The following ANLN variants were observed in gnomAD, a reference collection of about 807,000 sequenced individuals.
ANLN encodes anillin, actin binding protein.
A neutral mutation model predicts 135.1 loss-of-function variants in ANLN; 59 were observed. The observed-to-expected ratio is 0.44, with a 90% CI of 0.35 to 0.54. The LOEUF (loss-of-function observed/expected upper bound fraction) is 0.54, where lower values mean the gene tolerates loss of function less well. Ranked by LOEUF, ANLN falls within the 20% of genes least tolerant of loss-of-function variation. The probability of loss-of-function intolerance (pLI) is 0.00; values close to 1 mark genes in which losing one functional copy is unlikely to be tolerated. For synonymous variants in ANLN, 406 were observed against 456.4 expected (o/e 0.89, Z 1.41); for missense variants, 1,182 against 1,340.0 (o/e 0.88, Z 1.84).
chr7:36,430,439 A>G (rs1254165632), intron 20 of ANLN, among the ~76,000 whole-genome samples: 1 of 152,180 alleles, frequency 6.6e-6, no homozygotes, highest in East Asian at 1.9e-4. Context: ...TAAATTACAA[A>G]TCTTAGTGAG....
intron 3 of ANLN, among the ~76,000 whole-genome samples, chr7:36,401,636 G>A (rs530720499): frequency 8.3e-6 from 1 of 120,926 alleles, no homozygotes; most frequent in African/African-American, 3.5e-5. Flanking sequence ...ACCTCGGCAG[G>A]CCACCTGATG....
intron 22 of ANLN, among the ~76,000 whole-genome samples, chr7:36,445,546 G>A (rs79514504): frequency 6.6e-6 from 1 of 152,084 alleles, no homozygotes; most frequent in Non-Finnish European, 1.5e-5. Flanking sequence ...GTATACTTTT[G>A]TAAGAGCACA....
chr7:36,437,784 T>A (rs190602658), intron 20 of ANLN, among the ~76,000 whole-genome samples: 408 of 151,914 alleles, frequency 2.7e-3, no homozygotes, highest in African/African-American at 6.8e-3. Context: ...ATTTTAAAAA[T>A]TTTTTTTTGA....
At chr7:36,445,293 G>C (rs1054125168) in intron 22 of ANLN, among the ~76,000 whole-genome samples, 1 of 143,228 alleles carries the variant, frequency 7.0e-6, no homozygotes, top group African/African-American at 2.6e-5. Context: ...GCATCATGTT[G>C]ACTCTCAAAA....
intron 1 of ANLN, among the ~76,000 whole-genome samples, chr7:36,391,238 T>G (rs564067258): frequency 1.1e-4 from 17 of 152,348 alleles, no homozygotes; most frequent in African/African-American, 4.1e-4. Context: ...GGGCTGGTCA[T>G]GCACCAAGTA....
intron 9 of ANLN, among the ~76,000 whole-genome samples, chr7:36,417,556 C>G (rs1184640000): frequency 6.6e-6 from 1 of 152,084 alleles, no homozygotes; most frequent in East Asian, 1.9e-4. Flanking sequence ...CAATTCAATT[C>G]TGACACTAGC....
chr7:36,391,924 C>T (rs907290185), intron 1 of ANLN, among the ~76,000 whole-genome samples: 9 of 150,662 alleles, frequency 6.0e-5, no homozygotes, highest in Admixed American at 1.3e-4. Flanking sequence ...TCCCTGTGGT[C>T]GCTGATACTG....
intron 9 of ANLN, among the ~76,000 whole-genome samples, chr7:36,418,224 G>T (rs1787727192): frequency 1.3e-5 from 2 of 152,224 alleles, no homozygotes; most frequent in African/African-American, 4.8e-5. Context: ...TTGGGTTTCA[G>T]TGGAAGCTTC....
At chr7:36,421,650 A>C (rs1366287813) in intron 12 of ANLN, among the ~76,000 whole-genome samples, 1 of 152,218 alleles carries the variant, frequency 6.6e-6, no homozygotes, top group Non-Finnish European at 1.5e-5. Context: ...AAGTTTTTTC[A>C]TAAGGAATAA....
chr7:36,435,025 A>G (rs942087805), intron 20 of ANLN, among the ~76,000 whole-genome samples: 1 of 152,186 alleles, frequency 6.6e-6, no homozygotes. Context: ...GTTCATTATT[A>G]TGATTGTGGT....
rs558647793 is a variant in ANLN, at chr7:36,439,242, A to G, written c.2922A>G (p.Leu974=). 1 of 1,598,048 alleles carries G rather than the reference A, an allele frequency of 6.3e-7. No individual in the cohort carries two copies. Among genetic ancestry groups the G allele is most frequent in the South Asian group, 1.1e-5 (1 of 89,268 alleles). The change falls in exon 21 of 24, where the codon TTA becomes TTG. Residue 974 remains leucine, a synonymous_variant. Transcript: ENST00000265748. ...CTTCTTTGGAAGGTCATATTTATTTAAAAATAAAATGTCAAGTGAATTCCA... is the reference window on the plus strand; with the variant it reads ...CTTCTTTGGAAGGTCATATTTATTTGAAAATAAAATGTCAAGTGAATTCCA... The part of the protein sequence containing the change: ...FLSSLEGHIY[L]KIKCQVNSSV...
At chr7:36,415,995 G>A (rs1380619856) in intron 8 of ANLN, 111 bp downstream of exon 8, 1 of 954,184 alleles carries the variant, frequency 1.0e-6, no homozygotes, top group Middle Eastern at 2.4e-4. Flanking sequence ...ACGTTTTTTG[G>A]GGGGAATCTT....
intron 20 of ANLN, among the ~76,000 whole-genome samples, chr7:36,431,620 ATATATATATATATT>A (rs1562812736): frequency 2.7e-4 from 28 of 105,032 alleles, no homozygotes; most frequent in African/African-American, 8.0e-4. Flanking sequence ...TATATATAAT[ATATATATATATATT>A]ACCATTTTAT....
At position 36,389,873 on chromosome 7, in the gene ANLN, T is replaced by A; in HGVS notation, c.-154T>A. 7.2e-7 allele frequency: 1 copy of A among 1,380,354 alleles called. No homozygotes were observed. Among genetic ancestry groups the A allele is most frequent in the Non-Finnish European group, 1.0e-6 (1 of 988,044 alleles). 85.5% of individuals were successfully genotyped at this position (1,380,354 alleles called of 1,614,324 possible). A position where few individuals can be genotyped will look rare whatever the true frequency, so the allele number is the denominator to read the frequency against. On this transcript the variant is annotated 5_prime_UTR_variant, in exon 1 of 24. Coordinates refer to ENST00000265748, the MANE Select transcript of ANLN (RefSeq NM_018685.5). Reference sequence around the variant, plus strand: ...CGGCTGCAGAGGCCGAGTCCGTCACTGGAAGCCGAGAGGAGAGGACAGCTG... The same window carrying A: ...CGGCTGCAGAGGCCGAGTCCGTCACAGGAAGCCGAGAGGAGAGGACAGCTG...
Position 36,422,143 on chromosome 7 carries a change from A to G in ANLN, c.2299+151A>G, listed in dbSNP as rs1787900987. The G allele has an allele frequency of 4.0e-6, 4 of 994,956 alleles. No individual in the cohort carries two copies. The South Asian group carries it at 7.4e-5, about 18-fold the overall frequency. The allele number at this position is 994,956 out of a possible 1,614,324, so 61.6% of individuals were successfully genotyped here. A position where few individuals can be genotyped will look rare whatever the true frequency, so the allele number is the denominator to read the frequency against. On this transcript the variant is annotated intron_variant, in intron 13 of 23. Coordinates refer to ENST00000265748, the MANE Select transcript of ANLN (RefSeq NM_018685.5). ...TTTTGTTCTTGTTTTTATAAGGTTT[A>G]AGAACTCTATGTAAAACAAATTGTA...
intron 3 of ANLN, among the ~76,000 whole-genome samples, chr7:36,402,198 G>A (rs1786979041): frequency 9.2e-6 from 1 of 108,824 alleles, no homozygotes; most frequent in African/African-American, 4.1e-5. Context: ...TGCAACTTCT[G>A]CCTTCCAGGT....
chr7:36,421,761 A>G lies in ANLN; in HGVS notation c.2164-96A>G, dbSNP rs551347005. The stretch of plus-strand genomic sequence containing the variant: ...ATTTTGACTTTCATCTGGAAATTCT[A>G]GAAACTATCCAATCAAGTTAGTTAG... On this transcript the variant is annotated intron_variant, in intron 12 of 23. Coordinates refer to ENST00000265748, the MANE Select transcript of ANLN (RefSeq NM_018685.5). The G allele has an allele frequency of 6.7e-6, 8 of 1,191,090 alleles. No individual in the cohort carries two copies. In the African/African-American group the frequency reaches 1.1e-4, roughly 16 times the overall value. 73.8% of individuals were successfully genotyped at this position (1,191,090 alleles called of 1,614,324 possible). A position where few individuals can be genotyped will look rare whatever the true frequency, so the allele number is the denominator to read the frequency against.
At chr7:36,397,317 A>G (rs372502131) in intron 2 of ANLN, among the ~76,000 whole-genome samples, 1 of 152,128 alleles carries the variant, frequency 6.6e-6, no homozygotes, top group Admixed American at 6.6e-5. Flanking sequence ...TAGGGGCCTG[A>G]CCCTAGTCCA....
intron 22 of ANLN, chr7:36,449,114 C>CT: frequency 6.6e-6 from 1 of 152,286 alleles, no homozygotes; most frequent in South Asian, 2.1e-4. Context: ...TCATGTGTGC[C>CT]TATATGTGTT....
Sources: gnomAD v4.1 joint callset for allele counts (sites outside exome capture counted in the v4.1 genomes callset) on GRCh38, gnomAD v4.1.1 for gene constraint, MANE v1.5 for transcripts, NCBI Gene and HGNC (gene_info 2026-07-23, HGNC 2026-07-21) for gene names.